The following TAPT1 variants were observed in gnomAD, a reference collection of about 807,000 sequenced individuals.
The protein encoded by TAPT1 is transmembrane anterior posterior transformation 1.
In TAPT1, 28 loss-of-function variants were observed where a neutral mutation model predicts 65.6. The observed-to-expected ratio is 0.43, with a 90% CI of 0.32 to 0.59. The LOEUF is 0.59. Ranked by LOEUF, TAPT1 falls within the 20% of genes least tolerant of loss-of-function variation. TAPT1 has a pLI of 0.09. For synonymous variants in TAPT1, 278 were observed against 245.2 expected (o/e 1.13, Z -1.25); for missense variants, 563 against 679.9 (o/e 0.83, Z 1.91).
At chr4:16,163,738 T>C (rs1183349678) in intron 13 of TAPT1, among the ~76,000 whole-genome samples, 3 of 152,218 alleles carry the variant, frequency 2.0e-5, no homozygotes, top group Non-Finnish European at 4.4e-5. Context: ...TTTGTTCAAC[T>C]TTATGGAAGG....
At chr4:16,209,065 C>A (rs554082114) in intron 2 of TAPT1, among the ~76,000 whole-genome samples, 64 of 152,132 alleles carry the variant, frequency 4.2e-4, no homozygotes, top group African/African-American at 1.5e-3. Context: ...CGTTTTGCCA[C>A]ATTGCCTAGG....
At chr4:16,164,998 T>A (rs572569901) in intron 13 of TAPT1, among the ~76,000 whole-genome samples, 2 of 152,162 alleles carry the variant, frequency 1.3e-5, no homozygotes, top group Non-Finnish European at 2.9e-5. Flanking sequence ...CACTCCACAC[T>A]TGCCATATTG....
At chr4:16,213,619 C>A in intron 2 of TAPT1, 149 bp downstream of exon 2, 1 of 659,956 alleles carries the variant, frequency 1.5e-6, no homozygotes, top group Non-Finnish European at 2.3e-6. Flanking sequence ...AACTTTAAAG[C>A]TTCTTCCTGT....
chr4:16,223,804 G>A (rs1751393846), intron 1 of TAPT1, among the ~76,000 whole-genome samples: 1 of 152,032 alleles, frequency 6.6e-6, no homozygotes, highest in Admixed American at 6.6e-5. Context: ...CAGACACCAC[G>A]TTTTATTTTA....
At chr4:16,211,598 C>T (rs1223597878) in intron 2 of TAPT1, among the ~76,000 whole-genome samples, 1 of 152,140 alleles carries the variant, frequency 6.6e-6, no homozygotes, top group Non-Finnish European at 1.5e-5. Flanking sequence ...CCCAAACAGG[C>T]CTAAAGCCTC....
rs5856341 is a variant in TAPT1, at chr4:16,166,991, C to CT, written c.1314-199dup. On this transcript the variant is annotated intron_variant, in intron 12 of 13. Coordinates refer to ENST00000405303, the MANE Select transcript of TAPT1 (RefSeq NM_153365.3). Reference sequence around the variant, plus strand: ...AAAAACTTCGGAATTCCTTAGTTCTCTTTTTTTTTTTTTTTTTTTTTGAGA... The same window carrying CT: ...AAAAACTTCGGAATTCCTTAGTTCTCTTTTTTTTTTTTTTTTTTTTTTGAGA... 0.18 allele frequency: 28,459 copies of CT among 159,746 alleles called. 2,788 individuals carry two copies. The highest frequency in any genetic ancestry group is 0.2 in the East Asian group (1,669 of 8,220). 9.9% of individuals were successfully genotyped at this position (159,746 alleles called of 1,614,324 possible).
intron 2 of TAPT1, among the ~76,000 whole-genome samples, chr4:16,207,463 C>CA (rs1750416088): frequency 6.6e-6 from 1 of 152,178 alleles, no homozygotes; most frequent in Non-Finnish European, 1.5e-5. Flanking sequence ...CCACGACCTT[C>CA]AAAAAGGCAA....
At chr4:16,178,490 C>T (rs1560158510) in intron 8 of TAPT1, among the ~76,000 whole-genome samples, 1 of 152,028 alleles carries the variant, frequency 6.6e-6, no homozygotes, top group East Asian at 1.9e-4. Flanking sequence ...AATGAGATTC[C>T]AACAAAAACG....
chr4:16,226,576 TC>T, upstream of TAPT1: 1 of 629,388 alleles, frequency 1.6e-6, no homozygotes, highest in Non-Finnish European at 2.0e-6. Flanking sequence ...GCCGCCGCCA[TC>T]CGCGGCCCGC....
intron 9 of TAPT1, among the ~76,000 whole-genome samples, chr4:16,175,238 ATT>A (rs1438370747): frequency 6.6e-6 from 1 of 152,134 alleles, no homozygotes; most frequent in Non-Finnish European, 1.5e-5. Context: ...AAGCCTATTA[ATT>A]TTGACTTCAG....
Position 16,176,247 on chromosome 4 carries a change from A to G in TAPT1, c.998-19T>C. 1 of 1,289,254 alleles carries G rather than the reference A, an allele frequency of 7.8e-7. No individual in the cohort carries two copies. Among genetic ancestry groups the G allele is most frequent in the Non-Finnish European group, 1.1e-6 (1 of 931,490 alleles). The allele number at this position is 1,289,254 out of a possible 1,614,324, so 79.9% of individuals were successfully genotyped here. A position where few individuals can be genotyped will look rare whatever the true frequency, so the allele number is the denominator to read the frequency against. ...AGATGATCTGTAAATAGAAAAAAGA[A>G]AAACAACGAAATATCTTAATATGAA... On this transcript the variant is annotated intron_variant, in intron 8 of 13. Coordinates refer to ENST00000405303, the MANE Select transcript of TAPT1 (RefSeq NM_153365.3).
At position 16,180,614 on chromosome 4, in the gene TAPT1, G is replaced by A. The variant is rs562697865; in HGVS notation, c.917-957C>T. Among the ~76,000 whole-genome samples the A allele has an allele frequency of 2.0e-5, 3 of 152,244 alleles. No individual in the cohort carries two copies. The East Asian group carries it at 5.8e-4, about 29-fold the overall frequency. ...TCAATTTCATCCTGATGTACTTCAT[G>A]GGACTGTCTTTGCTTCTCTTTTTTT... is the stretch of plus-strand genomic sequence containing the variant. On this transcript the variant is annotated intron_variant, in intron 7 of 13. Coordinates refer to ENST00000405303, the MANE Select transcript of TAPT1 (RefSeq NM_153365.3).
chr4:16,191,152 TG>T, intron 4 of TAPT1: 1 of 477,160 alleles, frequency 2.1e-6, no homozygotes, highest in Non-Finnish European at 3.6e-6. Context: ...CCCACCGCCC[TG>T]GAAATGCAGA....
chr4:16,223,715 A>G (rs1007180136), intron 1 of TAPT1, among the ~76,000 whole-genome samples: 1 of 152,262 alleles, frequency 6.6e-6, no homozygotes, highest in Non-Finnish European at 1.5e-5. Flanking sequence ...ATATACAGCT[A>G]TTCATACAGA....
intron 8 of TAPT1, among the ~76,000 whole-genome samples, chr4:16,177,611 G>A (rs1560157731): frequency 6.6e-6 from 1 of 152,092 alleles, no homozygotes; most frequent in Non-Finnish European, 1.5e-5. Flanking sequence ...CACATCACTA[G>A]CAAAGGGCAA....
intron 3 of TAPT1, among the ~76,000 whole-genome samples, chr4:16,198,628 T>C (rs1749858468): frequency 6.6e-6 from 1 of 152,198 alleles, no homozygotes. Flanking sequence ...TCTTCTTATT[T>C]CTTTGAAAAA....
intron 7 of TAPT1, among the ~76,000 whole-genome samples, chr4:16,185,617 C>A (rs1282162547): frequency 2.0e-5 from 3 of 152,192 alleles, no homozygotes; most frequent in Non-Finnish European, 4.4e-5. Flanking sequence ...GATCCACCAG[C>A]CTCGGCCTCC....
At chr4:16,179,301 GTATCTAAACA>G (rs1560159295) in intron 8 of TAPT1, 3 of 300,772 alleles carry the variant, frequency 1.0e-5, no homozygotes, top group Non-Finnish European at 1.9e-5. Context: ...AATGGTAAGT[GTATCTAAACA>G]TGTCTAAACA....
intron 2 of TAPT1, among the ~76,000 whole-genome samples, chr4:16,210,174 A>T (rs1046105084): frequency 3.3e-5 from 5 of 152,212 alleles, no homozygotes; most frequent in African/African-American, 1.2e-4. Flanking sequence ...AAAAGGAAAG[A>T]GGAAAGAAGA....
Sources: allele counts gnomAD v4.1 joint callset (sites outside exome capture counted in the v4.1 genomes callset), GRCh38; gene constraint gnomAD v4.1.1; transcripts MANE v1.5; gene names NCBI Gene and HGNC (gene_info 2026-07-23, HGNC 2026-07-21).